RPS6KA2: variants seen among roughly 807,000 people sequenced by gnomAD.
RPS6KA2 encodes ribosomal protein S6 kinase A2, also known as ribosomal protein S6 kinase alpha-2.
In RPS6KA2, 42 loss-of-function variants were observed where a neutral mutation model predicts 91.8. That is an observed-to-expected ratio of 0.46 (90% confidence interval 0.36 to 0.59). RPS6KA2 has a LOEUF of 0.59. RPS6KA2 is among the 20% of genes least tolerant of loss of function. The pLI, the probability that RPS6KA2 is intolerant of heterozygous loss-of-function variation, is 0.00. For missense variants in RPS6KA2, 798 were observed against 978.5 expected (o/e 0.82, Z 2.46); for synonymous variants, 414 against 393.6 (o/e 1.05, Z -0.61).
chr6:166,731,005 G>C (rs1242133460), intron 2 of RPS6KA2, among the ~76,000 whole-genome samples: 1 of 152,236 alleles, frequency 6.6e-6, no homozygotes, highest in Non-Finnish European at 1.5e-5. Flanking sequence ...CACTTTGGGA[G>C]GCCGAGGCGG....
chr6:166,833,771 T>C, intron 2 of RPS6KA2, among the ~76,000 whole-genome samples: 2 of 152,256 alleles, frequency 1.3e-5, no homozygotes, highest in Non-Finnish European at 2.9e-5. Context: ...CACGAGTTTA[T>C]CATTTGAGCA....
At chr6:166,541,407 C>G (rs1290876741) in intron 1 of RPS6KA2, among the ~76,000 whole-genome samples, 1 of 152,198 alleles carries the variant, frequency 6.6e-6, no homozygotes, top group Non-Finnish European at 1.5e-5. Context: ...TGTGGAGGGT[C>G]TGAGACCCAC....
intron 19 of RPS6KA2, among the ~76,000 whole-genome samples, chr6:166,415,800 C>A (rs1457819510): frequency 6.6e-6 from 1 of 152,050 alleles, no homozygotes; most frequent in African/African-American, 2.4e-5. Flanking sequence ...GATATGCTCA[C>A]TAAATGCCAG....
At chr6:166,738,641 A>G (rs942197144) in intron 2 of RPS6KA2, among the ~76,000 whole-genome samples, 2 of 152,108 alleles carry the variant, frequency 1.3e-5, no homozygotes, top group Non-Finnish European at 2.9e-5. Context: ...TGTTACCAGT[A>G]TTGTTCCCAT....
chr6:166,504,489 A>G lies in RPS6KA2; in HGVS notation c.566+17T>C. 2 of 1,513,596 alleles carry G rather than the reference A, an allele frequency of 1.3e-6. No individual in the cohort carries two copies. Among genetic ancestry groups the G allele is most frequent in the Non-Finnish European group, 1.8e-6 (2 of 1,096,962 alleles). The allele number at this position is 1,513,596 out of a possible 1,614,324, so 93.8% of individuals were successfully genotyped here. ...TGATGGGCGTGGGGAAGTCAGCCCTAGTTTTTTCTCACTTACTTCTCAGGC... is the reference window on the plus strand; with the variant it reads ...TGATGGGCGTGGGGAAGTCAGCCCTGGTTTTTTCTCACTTACTTCTCAGGC... On this transcript the variant is annotated intron_variant, in intron 6 of 20. Coordinates refer to ENST00000265678, the MANE Select transcript of RPS6KA2 (RefSeq NM_021135.6).
intron 2 of RPS6KA2, among the ~76,000 whole-genome samples, chr6:166,826,998 T>C (rs1780062546): frequency 6.6e-6 from 1 of 152,134 alleles, no homozygotes; most frequent in Admixed American, 6.5e-5. Context: ...GAGAGTAGAA[T>C]TGTGGTTAGT....
chr6:166,469,399 G>A (rs1780670520), intron 11 of RPS6KA2, among the ~76,000 whole-genome samples: 3 of 148,806 alleles, frequency 2.0e-5, no homozygotes, highest in Admixed American at 6.8e-5. Context: ...ATGCAGTATC[G>A]AATCTGGGCC....
rs145422615 is a variant in RPS6KA2 at position 166,412,492 on chromosome 6, G to C, written c.*270C>G. 837 of 291,434 alleles carry C rather than the reference G, an allele frequency of 2.9e-3. 12 individuals carry two copies. Among genetic ancestry groups the C allele is most frequent in the South Asian group, 0.023 (249 of 11,022 alleles). The allele number at this position is 291,434 out of a possible 1,614,324, so 18.1% of individuals were successfully genotyped here. On this transcript the variant is annotated 3_prime_UTR_variant, in exon 21 of 21. Coordinates refer to ENST00000265678, the MANE Select transcript of RPS6KA2 (RefSeq NM_021135.6). The surrounding 1 kb of genome is among the most constrained non-coding windows in gnomAD (Gnocchi z 4.3). Reference sequence around the variant, plus strand: ...CCGCGGGCTCTGAAAGAAGCCCCCGGCCTCGCACGGGCACGCGAGGTGAAG... The same window carrying C: ...CCGCGGGCTCTGAAAGAAGCCCCCGCCCTCGCACGGGCACGCGAGGTGAAG...
In RPS6KA2 at chr6:166,626,542, G is replaced by C. The variant is rs74513666; in HGVS notation, c.99+379C>G. Among the ~76,000 whole-genome samples, 2,372 of 152,268 alleles carry C rather than the reference G, an allele frequency of 0.016. 41 individuals are homozygous for C. The highest frequency in any genetic ancestry group is 0.069 in the East Asian group (354 of 5,144). ...GCGGAGCTGGGGGGCTTCTCCACTC[G>C]GGACTTTGAGGGACCCCCGCGGAGC... On this transcript the variant is annotated intron_variant, in intron 1 of 20. Coordinates refer to ENST00000265678, the MANE Select transcript of RPS6KA2 (RefSeq NM_021135.6). The surrounding 1 kb of genome is among the most constrained non-coding windows in gnomAD (Gnocchi z 4.1).
intron 19 of RPS6KA2, among the ~76,000 whole-genome samples, chr6:166,416,696 C>A (rs1778543104): frequency 1.3e-5 from 2 of 151,750 alleles, no homozygotes; most frequent in Non-Finnish European, 2.9e-5. Context: ...ATTACCTCCA[C>A]CATCATCTCC....
chr6:166,441,439 TC>T (rs1469059986), intron 14 of RPS6KA2, among the ~76,000 whole-genome samples: 1 of 152,232 alleles, frequency 6.6e-6, no homozygotes, highest in African/African-American at 2.4e-5. Context: ...ACCTCTCTCT[TC>T]CCAGGTTTGG....
intron 2 of RPS6KA2, among the ~76,000 whole-genome samples, chr6:166,819,166 C>T (rs1480672299): frequency 2.0e-5 from 3 of 152,180 alleles, no homozygotes; most frequent in African/African-American, 7.2e-5. Context: ...CCCATTGCTA[C>T]TCATTCTTCT....
intron 2 of RPS6KA2, among the ~76,000 whole-genome samples, chr6:166,667,335 CAT>C (rs1423893115): frequency 2.6e-5 from 4 of 152,182 alleles, no homozygotes; most frequent in Non-Finnish European, 5.9e-5. Context: ...TATAACAGCA[CAT>C]AGTTACACAT....
At chr6:166,793,018 GA>G (rs1190100981) in intron 2 of RPS6KA2, among the ~76,000 whole-genome samples, 3 of 151,940 alleles carry the variant, frequency 2.0e-5, no homozygotes, top group Admixed American at 6.6e-5. Context: ...AATTAGGCAG[GA>G]GAAGGAAATA....
intron 2 of RPS6KA2, among the ~76,000 whole-genome samples, chr6:166,694,388 C>T (rs955453262): frequency 6.6e-6 from 1 of 152,228 alleles, no homozygotes; most frequent in Admixed American, 6.5e-5. Flanking sequence ...TCTGTTCACC[C>T]ATCTCTCCAT....
intron 2 of RPS6KA2, among the ~76,000 whole-genome samples, chr6:166,787,209 GT>G (rs547714770): frequency 5.9e-5 from 9 of 151,792 alleles, no homozygotes; most frequent in Non-Finnish European, 1.0e-4. Flanking sequence ...TTATCATAGT[GT>G]TTTTTTTATC....
At chr6:166,858,234 T>C (rs1329222159) in exon 2 of RPS6KA2, 1 of 1,539,618 alleles carries the variant, frequency 6.5e-7, no homozygotes, top group Admixed American at 1.7e-5. Flanking sequence ...GGGCTCCACA[T>C]CCAGGTTGAG....
chr6:166,776,860 G>C (rs1355821522), intron 2 of RPS6KA2, among the ~76,000 whole-genome samples: 1 of 152,196 alleles, frequency 6.6e-6, no homozygotes, highest in Non-Finnish European at 1.5e-5. Flanking sequence ...TGTGAGTTGT[G>C]CTGCTATAAA....
At chr6:166,834,036 T>C (rs900126336) in intron 2 of RPS6KA2, among the ~76,000 whole-genome samples, 4 of 152,174 alleles carry the variant, frequency 2.6e-5, no homozygotes, top group African/African-American at 9.7e-5. Flanking sequence ...GCCTGTCCCC[T>C]TTTGCATAAA....
Sources: allele counts gnomAD v4.1 joint callset (sites outside exome capture counted in the v4.1 genomes callset), GRCh38; gene constraint gnomAD v4.1.1; non-coding constraint Gnocchi (gnomAD v3.1); transcripts MANE v1.5; gene names NCBI Gene and HGNC (gene_info 2026-07-23, HGNC 2026-07-21).